The following TYW1 variants were observed in gnomAD, a reference collection of about 807,000 sequenced individuals.
The protein encoded by TYW1 is S-adenosyl-L-methionine-dependent tRNA 4-demethylwyosine synthase TYW1.
In TYW1, 46 loss-of-function variants were observed where a neutral mutation model predicts 96.2. The observed-to-expected ratio is 0.48, with a 90% confidence interval of 0.38 to 0.61. The LOEUF (loss-of-function observed/expected upper bound fraction) is 0.61. TYW1 is among the 20% of genes least tolerant of loss of function. The pLI, the probability that TYW1 is intolerant of heterozygous loss-of-function variation, is 0.00. For missense variants in TYW1, 684 were observed against 909.6 expected (o/e 0.75, Z 3.19); for synonymous variants, 274 against 323.0 (o/e 0.85, Z 1.63).
chr7:67,105,612 C>T (rs1797211985), intron 12 of TYW1, among the ~76,000 whole-genome samples: 1 of 152,162 alleles, frequency 6.6e-6, no homozygotes, highest in Non-Finnish European at 1.5e-5. Context: ...TTCAGTTTCC[C>T]ACACTCCTCC....
intron 13 of TYW1, among the ~76,000 whole-genome samples, chr7:67,147,890 A>G (rs1358555659): frequency 2.0e-5 from 3 of 152,118 alleles, no homozygotes; most frequent in African/African-American, 7.2e-5. Context: ...AAATAAGCCT[A>G]TGGAAATTAG....
intron 7 of TYW1, among the ~76,000 whole-genome samples, chr7:67,031,017 A>G (rs1390365129): frequency 1.1e-4 from 16 of 147,418 alleles, no homozygotes; most frequent in Middle Eastern, 3.3e-3. Flanking sequence ...CCTGGCCAAC[A>G]TGGTGAAACC....
chr7:67,205,040 GGTAT>G (rs1800738448), intron 15 of TYW1, among the ~76,000 whole-genome samples: 1 of 152,100 alleles, frequency 6.6e-6, no homozygotes, highest in East Asian at 1.9e-4. Context: ...CCTGTTTCTT[GGTAT>G]GATAAGTGAT....
At chr7:67,211,767 G>A (rs1032477759) in intron 15 of TYW1, among the ~76,000 whole-genome samples, 3 of 152,174 alleles carry the variant, frequency 2.0e-5, no homozygotes, top group Admixed American at 6.5e-5. Context: ...ATATAGCGGC[G>A]TTGGAGTTGT....
intron 13 of TYW1, among the ~76,000 whole-genome samples, chr7:67,173,379 T>C: frequency 6.6e-6 from 1 of 152,164 alleles, no homozygotes; most frequent in East Asian, 1.9e-4. Flanking sequence ...TCTTTTAATA[T>C]AGTCTGTGTT....
intron 15 of TYW1, among the ~76,000 whole-genome samples, chr7:67,199,999 A>G (rs914139461): frequency 6.6e-6 from 1 of 152,130 alleles, no homozygotes; most frequent in African/African-American, 2.4e-5. Flanking sequence ...TTAGAAGGGA[A>G]CCTGAAGTGA....
chr7:67,071,451 C>CT (rs1286201367), intron 10 of TYW1, among the ~76,000 whole-genome samples: 2,083 of 139,170 alleles, frequency 0.015, 21 homozygotes, highest in Middle Eastern at 0.022. Flanking sequence ...ATTTCTTTCG[C>CT]TTTTTTTTTT....
At chr7:67,055,260 A>C (rs1398123768) in intron 8 of TYW1, among the ~76,000 whole-genome samples, 1 of 152,186 alleles carries the variant, frequency 6.6e-6, no homozygotes, top group Non-Finnish European at 1.5e-5. Flanking sequence ...GATCTGTTAG[A>C]GACAGAGAGG....
chr7:67,181,619 TC>T (rs1166453207), intron 13 of TYW1, among the ~76,000 whole-genome samples: 14 of 152,274 alleles, frequency 9.2e-5, no homozygotes, highest in African/African-American at 3.4e-4. Flanking sequence ...TGTTTTTTTT[TC>T]TTGAGTATTT....
rs537200609 is a variant in TYW1, at chr7:67,058,096, G to A, written c.1155+2209G>A. 7.9e-5 allele frequency among the ~76,000 whole-genome samples: 12 copies of A among 151,986 alleles called. No individual in the cohort carries two copies. In the East Asian group the frequency reaches 1.9e-3, roughly 25 times the overall value. On this transcript the variant is annotated intron_variant, in intron 9 of 15. Transcript: ENST00000359626. Reference sequence around the variant, plus strand: ...ACTACAGGCACCCGCCACCATGCCCGGCTAATTTTTTGTATTTTTAGTAGA... The same window carrying A: ...ACTACAGGCACCCGCCACCATGCCCAGCTAATTTTTTGTATTTTTAGTAGA...
intron 7 of TYW1, among the ~76,000 whole-genome samples, chr7:67,044,648 CAG>C (rs1401877263): frequency 6.6e-6 from 1 of 152,080 alleles, no homozygotes; most frequent in African/African-American, 2.4e-5. Context: ...TTCTTTGAGA[CAG>C]AGTCTGTTGC....
intron 12 of TYW1, among the ~76,000 whole-genome samples, chr7:67,101,797 C>T (rs1016183662): frequency 1.3e-5 from 2 of 152,014 alleles, no homozygotes; most frequent in African/African-American, 4.8e-5. Context: ...CGAGCCCAGC[C>T]TGAAATTTAA....
intron 5 of TYW1, among the ~76,000 whole-genome samples, chr7:67,016,980 ATT>A (rs35358824): frequency 1.2e-4 from 14 of 121,730 alleles, no homozygotes; most frequent in Admixed American, 1.9e-4. Context: ...AGATATGTAA[ATT>A]TTTTTTTTTT....
intron 15 of TYW1, among the ~76,000 whole-genome samples, chr7:67,200,671 C>G (rs1366983440): frequency 2.6e-5 from 4 of 152,072 alleles, no homozygotes; most frequent in Non-Finnish European, 4.4e-5. Context: ...AATGGGCTAA[C>G]AGAAAACGAC....
At chr7:67,223,630 G>T (rs1801467183) in intron 15 of TYW1, among the ~76,000 whole-genome samples, 2 of 150,086 alleles carry the variant, frequency 1.3e-5, no homozygotes, top group African/African-American at 5.0e-5. Flanking sequence ...CACCCTGACT[G>T]GCTGCCTCTA....
chr7:67,152,608 TTTC>T (rs1798838594), intron 13 of TYW1, among the ~76,000 whole-genome samples: 1 of 152,176 alleles, frequency 6.6e-6, no homozygotes, highest in African/African-American at 2.4e-5. Flanking sequence ...GTTTTTTTCT[TTTC>T]TTTTCTTTGA....
chr7:67,047,844 G>C (rs1795236178), intron 7 of TYW1, among the ~76,000 whole-genome samples: 1 of 139,358 alleles, frequency 7.2e-6, no homozygotes, highest in African/African-American at 2.7e-5. Flanking sequence ...CTGGAGTGCA[G>C]TGGCACAGTC....
Position 67,043,178 on chromosome 7 carries a change from C to G in TYW1, c.985-6771C>G, listed in dbSNP as rs1301417520. ...CAGTTGGCTGGTAAGTTGACAGGCT[C>G]AAGCCTGGACTCCATCTGTCTGTGT... On this transcript the variant is annotated intron_variant, in intron 7 of 15. Coordinates refer to ENST00000359626, the MANE Select transcript of TYW1 (RefSeq NM_018264.4). 2.0e-5 allele frequency among the ~76,000 whole-genome samples: 3 copies of G among 152,216 alleles called. No individual in the cohort carries two copies. In the Middle Eastern group the frequency reaches 0.01, roughly 518 times the overall value.
intron 11 of TYW1, among the ~76,000 whole-genome samples, chr7:67,088,858 C>A (rs1428833508): frequency 6.6e-6 from 1 of 152,214 alleles, no homozygotes; most frequent in Non-Finnish European, 1.5e-5. Context: ...GTGTGAACCA[C>A]TGCACCTGGC....
Sources: gnomAD v4.1 joint callset for allele counts (sites outside exome capture counted in the v4.1 genomes callset) on GRCh38, gnomAD v4.1.1 for gene constraint, MANE v1.5 for transcripts, NCBI Gene and HGNC (gene_info 2026-07-23, HGNC 2026-07-21) for gene names.